Variants in TMCC2 observed in about 807,000 individuals in gnomAD.
TMCC2 encodes transmembrane and coiled-coil domain family 2.
TMCC2 carries 16 observed loss-of-function variants against 49.4 expected under a neutral mutation model. That is an observed-to-expected ratio of 0.32 (90% CI 0.22 to 0.49). The LOEUF is 0.49. TMCC2 is among the 20% of genes least tolerant of loss of function. The probability of loss-of-function intolerance (pLI) is 0.99; values close to 1 mark genes in which losing one functional copy is unlikely to be tolerated. For synonymous variants in TMCC2, 397 were observed against 434.1 expected (o/e 0.91, Z 1.06); for missense variants, 762 against 989.8 (o/e 0.77, Z 3.09).
chr1:205,271,037 T>C, intron 3 of TMCC2, 83 bp from the exon 4 acceptor site: 1 of 1,560,526 alleles, frequency 6.4e-7, no homozygotes, highest in African/African-American at 1.3e-5. Context: ...TCATTGTTTA[T>C]TGAGAGAATG....
chr1:205,269,922 A>T (rs747509824), intron 3 of TMCC2, 38 bp downstream of exon 3: 27 of 1,580,182 alleles, frequency 1.7e-5, no homozygotes, highest in Non-Finnish European at 2.0e-5. Flanking sequence ...GCCCAGCCGG[A>T]CGTGGGATGA....
chr1:205,259,151 T>C (rs1165426587), intron 2 of TMCC2, among the ~76,000 whole-genome samples: 1 of 151,946 alleles, frequency 6.6e-6, no homozygotes, highest in Non-Finnish European at 1.5e-5. Context: ...TGCCCTGCTT[T>C]CCTAAAGGGA....
chr1:205,261,688 A>G lies in TMCC2; in HGVS notation c.748-7262A>G, dbSNP rs145715338. On this transcript the variant is annotated intron_variant, in intron 2 of 4. Coordinates refer to ENST00000358024, the MANE Select transcript of TMCC2 (RefSeq NM_014858.4). ...AGTGAGAACCCGTCTCAAAAAAAAA[A>G]AAATTATTATAGTCATTCTAAGGGT... 9.8e-3 allele frequency among the ~76,000 whole-genome samples: 1,486 copies of G among 152,048 alleles called. 21 individuals carry two copies. The highest frequency in any genetic ancestry group is 0.034 in the African/African-American group (1,396 of 41,516).
intron 2 of TMCC2, among the ~76,000 whole-genome samples, chr1:205,245,246 C>T (rs189316918): frequency 1.2e-3 from 188 of 152,246 alleles, no homozygotes; most frequent in African/African-American, 4.3e-3. Context: ...AAAATCACTG[C>T]GATTAATGAG....
intron 2 of TMCC2, among the ~76,000 whole-genome samples, chr1:205,249,712 G>A (rs937310918): frequency 6.6e-6 from 1 of 152,216 alleles, no homozygotes; most frequent in African/African-American, 2.4e-5. Flanking sequence ...TGCCTCCTCT[G>A]TTCCCCTCCT....
chr1:205,241,594 C>T lies in TMCC2; in HGVS notation c.297C>T (p.His99=), dbSNP rs1489949547. ...HSRRRSRERE[H]QTSQDSQQHQ... ...GCCGTCGGTCTCGGGAAAGGGAGCA[C>T]CAGACGTCTCAGGATTCCCAGCAGC... The change falls in exon 2 of 5, where the codon CAC becomes CAT. Residue 99 remains histidine (H), a synonymous_variant. Coordinates refer to ENST00000358024, the MANE Select transcript of TMCC2 (RefSeq NM_014858.4). This position sits in a 1 kb window ranked among gnomAD's most constrained non-coding sequence, Gnocchi z 7.3. The T allele has an allele frequency of 6.2e-7, 1 of 1,613,992 alleles. No individual in the cohort carries two copies. Among genetic ancestry groups the T allele is most frequent in the East Asian group, 2.2e-5 (1 of 44,876 alleles).
At chr1:205,267,451 A>G (rs74139133) in intron 2 of TMCC2, among the ~76,000 whole-genome samples, 2,906 of 151,812 alleles carry the variant, frequency 0.019, 88 homozygotes, top group African/African-American at 0.066. Flanking sequence ...TCCCATACAT[A>G]CTAAGGGCAA....
intron 3 of TMCC2, among the ~76,000 whole-genome samples, chr1:205,270,645 A>G (rs558357591): frequency 6.6e-6 from 1 of 152,342 alleles, no homozygotes; most frequent in South Asian, 2.1e-4. Flanking sequence ...CACTCCTCAC[A>G]TAACAGTCAT....
chr1:205,232,584 G>A (rs1261676591), intron 1 of TMCC2, among the ~76,000 whole-genome samples: 1 of 152,134 alleles, frequency 6.6e-6, no homozygotes, highest in Non-Finnish European at 1.5e-5. Flanking sequence ...TATGGGAGGA[G>A]AGGTGGGGCT....
At chr1:205,253,101 C>G (rs1394139450) in intron 2 of TMCC2, among the ~76,000 whole-genome samples, 1 of 152,014 alleles carries the variant, frequency 6.6e-6, no homozygotes, top group African/African-American at 2.4e-5. Context: ...CACCACTGCA[C>G]TCCACCTTAG....
intron 2 of TMCC2, among the ~76,000 whole-genome samples, chr1:205,242,713 A>C (rs1298650366): frequency 6.6e-6 from 1 of 152,180 alleles, no homozygotes; most frequent in Non-Finnish European, 1.5e-5. Context: ...GAGGGGGTAC[A>C]AGTGGGTGAA....
intron 2 of TMCC2, among the ~76,000 whole-genome samples, chr1:205,261,790 C>T (rs1038192879): frequency 6.6e-6 from 1 of 152,144 alleles, no homozygotes; most frequent in African/African-American, 2.4e-5. Context: ...TTCATCTCAT[C>T]GTCCTGATAG....
rs550476336 is a variant in TMCC2, at chr1:205,228,434, T to G, written c.-131T>G. On this transcript the variant is annotated 5_prime_UTR_variant, in exon 1 of 5. Transcript: ENST00000358024. ...AGAATTTTTTTTTTAATTCAAGAAA[T>G]TGTGGTCTGCCATCTCCCCTCCTTG... The G allele has an allele frequency of 5.6e-5, 39 of 696,806 alleles. No individual in the cohort carries two copies. In the African/African-American group the frequency reaches 6.6e-4, roughly 12 times the overall value. 43.2% of individuals were successfully genotyped at this position (696,806 alleles called of 1,614,324 possible).
intron 2 of TMCC2, among the ~76,000 whole-genome samples, chr1:205,254,872 C>T (rs1018163672): frequency 6.6e-6 from 1 of 152,238 alleles, no homozygotes. Context: ...CTCCTGCTGC[C>T]ACTGCCTTCT....
At chr1:205,257,408 G>T in intron 2 of TMCC2, 1 of 1,232,064 alleles carries the variant, frequency 8.1e-7, no homozygotes, top group Non-Finnish European at 1.0e-6. Context: ...TTCACCGGGC[G>T]GGGTGGAGTT....
intron 2 of TMCC2, among the ~76,000 whole-genome samples, chr1:205,255,662 G>C (rs1660838365): frequency 6.6e-6 from 1 of 152,136 alleles, no homozygotes; most frequent in African/African-American, 2.4e-5. Context: ...GCAGCTAAAT[G>C]AGGTAGATCA....
chr1:205,249,721 C>G (rs1660594035), intron 2 of TMCC2, among the ~76,000 whole-genome samples: 1 of 152,246 alleles, frequency 6.6e-6, no homozygotes, highest in African/African-American at 2.4e-5. Flanking sequence ...TGTTCCCCTC[C>G]TCCATCCCAT....
chr1:205,256,047 G>A (rs1258106123), intron 2 of TMCC2, among the ~76,000 whole-genome samples: 1 of 152,196 alleles, frequency 6.6e-6, no homozygotes, highest in East Asian at 1.9e-4. Context: ...GAGGACTCCT[G>A]ATCTCAGTGA....
In TMCC2 at chr1:205,271,920, G is replaced by C. The variant is rs376184025; in HGVS notation, c.1926G>C (p.Leu642=). 5.6e-6 allele frequency: 9 copies of C among 1,614,094 alleles called. No homozygotes were observed. In the East Asian group the frequency reaches 1.3e-4, roughly 24 times the overall value. ...EGVENANARA[L]LGKFINVILA... ...TGGAGAATGCCAACGCGCGGGCGCT[G>C]CTGGGCAAGTTCATCAACGTGATCC... The change falls in exon 5 of 5, where the codon CTG becomes CTC. Residue 642 remains leucine, a synonymous_variant. Coordinates refer to ENST00000358024, the MANE Select transcript of TMCC2 (RefSeq NM_014858.4).
Sources: gnomAD v4.1 joint callset for allele counts (sites outside exome capture counted in the v4.1 genomes callset) on GRCh38, gnomAD v4.1.1 for gene constraint, Gnocchi (gnomAD v3.1) non-coding constraint, MANE v1.5 for transcripts, NCBI Gene and HGNC (gene_info 2026-07-23, HGNC 2026-07-21) for gene names.